SLC13A4: variants seen among roughly 807,000 people sequenced by gnomAD.
SLC13A4 encodes solute carrier family 13 member 4, also known as Na(+)/sulfate cotransporter SUT-1.
A neutral mutation model predicts 72.7 loss-of-function variants in SLC13A4; 28 were observed. The ratio of observed to expected loss-of-function variants is 0.39; its 90% confidence interval spans 0.29 to 0.53. SLC13A4 has a LOEUF of 0.53. Among genes scored for constraint, SLC13A4 ranks in the 20% least tolerant of loss-of-function variants. The probability of loss-of-function intolerance (pLI) is 0.78; values close to 1 mark genes in which losing one functional copy is unlikely to be tolerated. For synonymous variants in SLC13A4, 312 were observed against 325.5 expected (o/e 0.96, Z 0.45); for missense variants, 653 against 788.0 (o/e 0.83, Z 2.05).
chr7:135,698,287 C>T (rs1423096392), intron 8 of SLC13A4, among the ~76,000 whole-genome samples: 1 of 148,932 alleles, frequency 6.7e-6, no homozygotes, highest in Non-Finnish European at 1.5e-5. Context: ...CCTGCCTTGG[C>T]CTCCCAGAGT....
intron 2 of SLC13A4, among the ~76,000 whole-genome samples, chr7:135,709,835 G>A (rs1193918021): frequency 1.3e-5 from 2 of 152,120 alleles, no homozygotes; most frequent in African/African-American, 2.4e-5. Flanking sequence ...CATTAATTCC[G>A]CACACCACAG....
intron 15 of SLC13A4, 111 bp downstream of exon 15, chr7:135,684,013 T>C: frequency 7.8e-7 from 1 of 1,276,518 alleles, no homozygotes; most frequent in Non-Finnish European, 1.1e-6. Flanking sequence ...GGGTTTAGCA[T>C]TGACAGGCCA....
chr7:135,727,485 C>A lies in SLC13A4; in HGVS notation c.12G>T (p.Leu4=), dbSNP rs1481864401. 6.4e-7 allele frequency: 1 copy of A among 1,550,440 alleles called. No individual in the cohort carries two copies. The highest frequency in any genetic ancestry group is 1.4e-5 in the African/African-American group (1 of 73,168). Residue 4 remains leucine, a synonymous_variant, in exon 1 of 16, where the codon CTG becomes CTT. Transcript: ENST00000682651. ...GCTTCCGGACTCGGAGCAGGCCCTG[C>A]AGCAGGCCCATCGCGCCTCTGTCCT... MGL[L]QGLLRVRKLL... is the part of the protein sequence containing the mutation.
chr7:135,725,663 AT>A (rs914965111), intron 1 of SLC13A4, among the ~76,000 whole-genome samples: 1 of 152,154 alleles, frequency 6.6e-6, no homozygotes, highest in African/African-American at 2.4e-5. Flanking sequence ...TAAGGGTTAA[AT>A]ATCAGACTCT....
chr7:135,723,691 C>T (rs903232408), intron 1 of SLC13A4, among the ~76,000 whole-genome samples: 6 of 152,048 alleles, frequency 3.9e-5, no homozygotes, highest in African/African-American at 9.7e-5. Context: ...TACAAAAGGT[C>T]GCTGTATCAG....
intron 3 of SLC13A4, among the ~76,000 whole-genome samples, chr7:135,707,019 G>A (rs192104772): frequency 6.6e-6 from 1 of 152,304 alleles, no homozygotes. Flanking sequence ...AAAGACTACT[G>A]TGTTTATTAT....
In SLC13A4 at chr7:135,691,290, T is replaced by G. The variant is rs769360358; in HGVS notation, c.1357A>C (p.Ile453Leu). The G allele has an allele frequency of 3.1e-6, 5 of 1,613,356 alleles. No homozygotes were observed. The highest frequency in any genetic ancestry group is 4.2e-6 in the Non-Finnish European group (5 of 1,179,550). The change falls in exon 13 of 16, where the codon ATC (isoleucine) becomes CTC (leucine). Residue 453 changes from isoleucine (I) to leucine (L), a missense_variant. Transcript: ENST00000682651. The stretch of plus-strand genomic sequence containing the variant: ...TTCTGGAAGTCCTTCCACGTGATGA[T>G]GGGCTCGGTCCCCAGTGAGTGCTCC... ...NQEHSLGTEP[I>L]ITWKDFQKTM...
chr7:135,721,804 G>C (rs565083824), intron 1 of SLC13A4, among the ~76,000 whole-genome samples: 1 of 152,210 alleles, frequency 6.6e-6, no homozygotes, highest in Non-Finnish European at 1.5e-5. Flanking sequence ...AAACTGCCAA[G>C]GTGGGGACTG....
rs1161113827 is a variant in SLC13A4 at position 135,701,379 on chromosome 7, A to G, written c.714+301T>C. ...CTTACAATCTTAGGATACTCAAATAAAATATTTGCAGTGTCCCTGAAGCAC... is the reference window on the plus strand; with the variant it reads ...CTTACAATCTTAGGATACTCAAATAGAATATTTGCAGTGTCCCTGAAGCAC... On this transcript the variant is annotated intron_variant, in intron 7 of 15. Transcript: ENST00000682651. 2.0e-5 allele frequency among the ~76,000 whole-genome samples: 3 copies of G among 152,296 alleles called. No homozygotes were observed. In the East Asian group the frequency reaches 5.8e-4, roughly 29 times the overall value.
chr7:135,722,489 G>C (rs1050167406), intron 1 of SLC13A4, among the ~76,000 whole-genome samples: 6 of 151,948 alleles, frequency 3.9e-5, no homozygotes, highest in Non-Finnish European at 5.9e-5. Flanking sequence ...ATATACCAGG[G>C]GGATCAGCAA....
At chr7:135,702,668 G>A (rs1335182072) in intron 6 of SLC13A4, 177 bp downstream of exon 6, 27 of 621,012 alleles carry the variant, frequency 4.3e-5, no homozygotes, top group South Asian at 1.1e-4. Context: ...GAGCCACCAC[G>A]CCCAGCCAAT....
intron 4 of SLC13A4, 52 bp from the exon 5 acceptor site, chr7:135,705,702 C>A: frequency 6.4e-7 from 1 of 1,553,000 alleles, no homozygotes; most frequent in Non-Finnish European, 8.9e-7. Context: ...TGGGGCTGAC[C>A]CTGTGGGTTG....
At position 135,727,856 on chromosome 7, in the gene SLC13A4, T is replaced by TTGC; in HGVS notation, c.-363_-361dup. On this transcript the variant is annotated 5_prime_UTR_variant, in exon 1 of 16. Transcript: ENST00000682651. ...CCCCTTAATCCTTTAAGCCACACCT[T>TTGC]TGCTGCTGCTGCTCGGCCTTGAAGA... 1 of 218,272 alleles carries TTGC rather than the reference T, an allele frequency of 4.6e-6. No individual in the cohort carries two copies. Among genetic ancestry groups the TTGC allele is most frequent in the East Asian group, 9.9e-5 (1 of 10,152 alleles). The allele number at this position is 218,272 out of a possible 1,614,324, so 13.5% of individuals were successfully genotyped here.
chr7:135,707,946 ATCACAGGCCCTCTCCC>A, intron 3 of SLC13A4, 152 bp downstream of exon 3: 1 of 713,830 alleles, frequency 1.4e-6, no homozygotes, highest in South Asian at 2.1e-5. Flanking sequence ...CTACTCCATG[ATCACAGGCCCTCTCCC>A]TGGACGGGTC....
intron 2 of SLC13A4, 39 bp downstream of exon 2, chr7:135,721,356 A>G (rs1415506049): frequency 1.2e-6 from 2 of 1,610,264 alleles, no homozygotes; most frequent in Admixed American, 1.7e-5. Context: ...GGGGCCCTGC[A>G]GGGACCCAGG....
chr7:135,719,464 C>T (rs1796496519), intron 2 of SLC13A4, among the ~76,000 whole-genome samples: 2 of 152,112 alleles, frequency 1.3e-5, no homozygotes, highest in African/African-American at 2.4e-5. Context: ...CTTTCAAGCC[C>T]TGCCCTTGCT....
intron 1 of SLC13A4, among the ~76,000 whole-genome samples, chr7:135,724,396 CT>C (rs1796608576): frequency 6.7e-6 from 1 of 150,200 alleles, no homozygotes; most frequent in African/African-American, 2.5e-5. Context: ...GCTCTGGAGG[CT>C]GAGGCAGGAG....
chr7:135,681,593 C>T lies in SLC13A4; in HGVS notation c.1854G>A (p.Ala618=), dbSNP rs757857856. 9.2e-5 allele frequency: 148 copies of T among 1,613,976 alleles called. No homozygotes were observed. The highest frequency in any genetic ancestry group is 1.2e-4 in the Non-Finnish European group (137 of 1,179,970). Residue 618 remains alanine, a synonymous_variant, in exon 16 of 16, where the codon GCG becomes GCA. Transcript: ENST00000682651. ...LFHLDTYPAW[A]RVSNITDQA ...CTTGATCAGTGATGTTGCTGACCCT[C>T]GCCCATGCTGGGTAAGTGTCCAGGT...
At position 135,727,625 on chromosome 7, in the gene SLC13A4, C is replaced by T; in HGVS notation, c.-129G>A. 1.6e-6 allele frequency: 2 copies of T among 1,222,548 alleles called. No homozygotes were observed. The highest frequency in any genetic ancestry group is 2.2e-6 in the Non-Finnish European group (2 of 901,966). The allele number at this position is 1,222,548 out of a possible 1,614,324, so 75.7% of individuals were successfully genotyped here. ...TTGGCTTCCGAGAGTCCTCCTTCGT[C>T]TTGGGGGCAGAACGGGAGGGCAGTT... On this transcript the variant is annotated 5_prime_UTR_variant, in exon 1 of 16. Transcript: ENST00000682651.
Sources: gnomAD v4.1 joint callset for allele counts (sites outside exome capture counted in the v4.1 genomes callset) on GRCh38, gnomAD v4.1.1 for gene constraint, MANE v1.5 for transcripts, NCBI Gene and HGNC (gene_info 2026-07-23, HGNC 2026-07-21) for gene names.